DGKA: variants seen among roughly 807,000 people sequenced by gnomAD.
DGKA encodes 80 kDa diacylglycerol kinase.
DGKA carries 35 observed loss-of-function variants against 105.0 expected under a neutral mutation model. The observed-to-expected ratio is 0.33, with a 90% CI of 0.25 to 0.44. DGKA has a LOEUF of 0.44. DGKA is among the 20% of genes least tolerant of loss of function. The pLI, the probability that DGKA is intolerant of heterozygous loss-of-function variation, is 1.00. For missense variants in DGKA, 665 were observed against 915.0 expected (o/e 0.73, Z 3.53); for synonymous variants, 296 against 332.0 (o/e 0.89, Z 1.18).
chr12:55,940,913 G>A lies in DGKA; in HGVS notation c.1034G>A (p.Arg345His). The change falls in exon 13 of 24, where the codon CGT becomes CAT. Residue 345 changes from arginine (R) to histidine (H), a missense_variant. Coordinates refer to ENST00000331886, the MANE Select transcript of DGKA (RefSeq NM_001345.5). This position sits in a 1 kb window ranked among gnomAD's most constrained non-coding sequence, Gnocchi z 4.3. ...YPSVLASGPD[R>H]KNSKTSQKTM... Reference sequence around the variant, plus strand: ...CCCTCCCAGGCCTCTGGACCGGATCGTAAAAATAGCAAAACAAGCCAGAAG... The same window carrying A: ...CCCTCCCAGGCCTCTGGACCGGATCATAAAAATAGCAAAACAAGCCAGAAG... 1.9e-6 allele frequency: 3 copies of A among 1,614,098 alleles called. No individual in the cohort carries two copies. The highest frequency in any genetic ancestry group is 1.3e-5 in the African/African-American group (1 of 75,044).
chr12:55,938,545 G>A lies in DGKA; in HGVS notation c.384G>A (p.Gly128=), dbSNP rs1332484105. ...AGCTGTACGACACGGACAGAAATGGGATCCTGGACAGCTCAGTGAGTTGGG... is the reference window on the plus strand; with the variant it reads ...AGCTGTACGACACGGACAGAAATGGAATCCTGGACAGCTCAGTGAGTTGGG... ...TFKLYDTDRN[G]ILDSSEVDKI... is the part of the protein sequence containing the mutation. Residue 128 remains glycine, a synonymous_variant, in exon 6 of 24, where the codon GGG becomes GGA. Coordinates refer to ENST00000331886, the MANE Select transcript of DGKA (RefSeq NM_001345.5). The A allele has an allele frequency of 6.2e-7, 1 of 1,614,130 alleles. No homozygotes were observed. The highest frequency in any genetic ancestry group is 1.3e-5 in the African/African-American group (1 of 75,022).
chr12:55,934,532 G>A (rs1166621815), intron 1 of DGKA, among the ~76,000 whole-genome samples: 1 of 152,174 alleles, frequency 6.6e-6, no homozygotes, highest in African/African-American at 2.4e-5. Context: ...GGAAGAGGCT[G>A]CAGAGAAAGT....
At chr12:55,946,746 A>G (rs1887090797) in intron 17 of DGKA, among the ~76,000 whole-genome samples, 1 of 152,234 alleles carries the variant, frequency 6.6e-6, no homozygotes, top group Admixed American at 6.5e-5. Flanking sequence ...ATAGTCAAAG[A>G]GAAAGGAAAG....
Position 55,953,845 on chromosome 12 carries a change from A to C in DGKA, c.*77A>C. On this transcript the variant is annotated 3_prime_UTR_variant, in exon 24 of 24. Coordinates refer to ENST00000331886, the MANE Select transcript of DGKA (RefSeq NM_001345.5). The stretch of plus-strand genomic sequence containing the variant: ...GGACTCTACTCCCGAGGCTCTGTAC[A>C]TTGCTGCCACATACTCCTGCCAGCT... 2 of 1,315,764 alleles carry C rather than the reference A, an allele frequency of 1.5e-6. No individual in the cohort carries two copies. Among genetic ancestry groups the C allele is most frequent in the Non-Finnish European group, 2.2e-6 (2 of 919,108 alleles). The allele number at this position is 1,315,764 out of a possible 1,614,324, so 81.5% of individuals were successfully genotyped here. A position where few individuals can be genotyped will look rare whatever the true frequency, so the allele number is the denominator to read the frequency against.
At chr12:55,945,613 A>G (rs902241656) in intron 17 of DGKA, among the ~76,000 whole-genome samples, 7 of 152,090 alleles carry the variant, frequency 4.6e-5, no homozygotes, top group African/African-American at 1.4e-4. Flanking sequence ...GGCTGTCTGC[A>G]TTCTTTGGCT....
At chr12:55,937,711 A>G (rs575578718) in intron 4 of DGKA, among the ~76,000 whole-genome samples, 168 bp downstream of exon 4, 1 of 152,108 alleles carries the variant, frequency 6.6e-6, no homozygotes, top group Non-Finnish European at 1.5e-5. Flanking sequence ...TAAAGGGGAA[A>G]GGTAAGTCGA....
At chr12:55,938,386 AT>A (rs1474693787) in intron 5 of DGKA, 124 bp from the exon 6 acceptor site, 2 of 1,237,292 alleles carry the variant, frequency 1.6e-6, no homozygotes, top group African/African-American at 3.0e-5. Flanking sequence ...TCTCAGTCCC[AT>A]CCCAGGCTCT....
Position 55,952,852 on chromosome 12 carries a change from A to G in DGKA, c.1862A>G (p.Asp621Gly), listed in dbSNP as rs368951126. 1.3e-4 allele frequency: 208 copies of G among 1,613,974 alleles called. No homozygotes were observed. The highest frequency in any genetic ancestry group is 1.7e-4 in the Non-Finnish European group (201 of 1,180,002). Residue 621 changes from aspartate (D) to glycine (G), a missense_variant, in exon 21 of 24, where the codon GAT (aspartate) becomes GGT (glycine). This residue lies in a region of DGKA where 158 missense variants were observed against 213.4 expected (regional missense o/e 0.74). Coordinates refer to ENST00000331886, the MANE Select transcript of DGKA (RefSeq NM_001345.5). This position sits in a 1 kb window ranked among gnomAD's most constrained non-coding sequence, Gnocchi z 5.1. ...GGTGATACCAGGAGACCCCATGGGG[A>G]TATCTATGGGATCAACCAGGCCTTA... Reference protein sequence around the residue: ...LWGDTRRPHGDIYGINQALGA... With the variant: ...LWGDTRRPHGGIYGINQALGA...
At chr12:55,944,834 C>G (rs534352311) in intron 17 of DGKA, among the ~76,000 whole-genome samples, 1 of 152,234 alleles carries the variant, frequency 6.6e-6, no homozygotes, top group South Asian at 2.1e-4. Flanking sequence ...GAGTCTCATT[C>G]TGTTGCCTAG....
chr12:55,952,534 G>A lies in DGKA; in HGVS notation c.1743+103G>A, dbSNP rs1247235628. Reference sequence around the variant, plus strand: ...GAACTTCCCATATTCTTGAACCTATGCTTCTTTAACCTCCCAGCTCTCCTA... The same window carrying A: ...GAACTTCCCATATTCTTGAACCTATACTTCTTTAACCTCCCAGCTCTCCTA... On this transcript the variant is annotated intron_variant, in intron 20 of 23. Coordinates refer to ENST00000331886, the MANE Select transcript of DGKA (RefSeq NM_001345.5). The surrounding 1 kb of genome is among the most constrained non-coding windows in gnomAD (Gnocchi z 5.1). 2 of 1,320,148 alleles carry A rather than the reference G, an allele frequency of 1.5e-6. No homozygotes were observed. Among genetic ancestry groups the A allele is most frequent in the South Asian group, 1.2e-5 (1 of 82,138 alleles). The allele number at this position is 1,320,148 out of a possible 1,614,324, so 81.8% of individuals were successfully genotyped here.
intron 17 of DGKA, among the ~76,000 whole-genome samples, chr12:55,946,201 G>C (rs1248568701): frequency 1.5e-5 from 2 of 135,096 alleles, no homozygotes; most frequent in African/African-American, 5.6e-5. Flanking sequence ...AGGGAGTTTT[G>C]CTCTTGTTGC....
chr12:55,951,728 A>C lies in DGKA; in HGVS notation c.1532A>C (p.Glu511Ala). ...GAGGTGATACCTCAACAAACTGAAGAAAAAAGTGACCCAGTCCCCTTTCAA... is the reference window on the plus strand; with the variant it reads ...GAGGTGATACCTCAACAAACTGAAGCAAAAAGTGACCCAGTCCCCTTTCAA... ...SVEVIPQQTE[E>A]KSDPVPFQII... is the part of the protein sequence containing the mutation. The change falls in exon 18 of 24, where the codon GAA becomes GCA. Residue 511 changes from glutamate to alanine, a missense_variant. Glu to Ala is a moderately radical substitution (Grantham distance 107, BLOSUM62 -1). Around this residue, in one of 3 missense-constraint regions of DGKA, gnomAD observed 504 missense variants for 681.2 expected, o/e 0.74. Coordinates refer to ENST00000331886, the MANE Select transcript of DGKA (RefSeq NM_001345.5). 6.2e-7 allele frequency: 1 copy of C among 1,614,008 alleles called. No individual in the cohort carries two copies. Among genetic ancestry groups the C allele is most frequent in the African/African-American group, 1.3e-5 (1 of 74,980 alleles).
intron 17 of DGKA, among the ~76,000 whole-genome samples, chr12:55,944,516 G>A (rs752539852): frequency 7.2e-5 from 11 of 152,190 alleles, no homozygotes; most frequent in Non-Finnish European, 1.3e-4. Flanking sequence ...CATAAGGTTC[G>A]AAGAGGGGGG....
In DGKA at chr12:55,941,604, T is replaced by G. The variant is rs779955755; in HGVS notation, c.1250+20T>G. 6.2e-7 allele frequency: 1 copy of G among 1,612,468 alleles called. No homozygotes were observed. The highest frequency in any genetic ancestry group is 8.5e-7 in the Non-Finnish European group (1 of 1,178,482). On this transcript the variant is annotated intron_variant, in intron 15 of 23. Transcript: ENST00000331886. ...GATAGGGTGAGCACAGGTTAGGGACTGTATCACAGTGTTTTCGTGGGTCTG... is the reference window on the plus strand; with the variant it reads ...GATAGGGTGAGCACAGGTTAGGGACGGTATCACAGTGTTTTCGTGGGTCTG...
chr12:55,942,529 G>A (rs1886231202), intron 17 of DGKA: 3 of 427,296 alleles, frequency 7.0e-6, no homozygotes. Context: ...TTATGGCTCA[G>A]AGAATCAAGG....
At chr12:55,938,252 A>G (rs930140701) in intron 5 of DGKA, 200 bp downstream of exon 5, 3 of 664,930 alleles carry the variant, frequency 4.5e-6, no homozygotes, top group Non-Finnish European at 7.8e-6. Context: ...CCCAGTACCC[A>G]TGTCTTGTGC....
chr12:55,946,769 CGAGA>C (rs1372321753), intron 17 of DGKA, among the ~76,000 whole-genome samples: 1 of 152,044 alleles, frequency 6.6e-6, no homozygotes, highest in Non-Finnish European at 1.5e-5. Flanking sequence ...CCTCTGTAAC[CGAGA>C]GAGTGATATT....
intron 17 of DGKA, among the ~76,000 whole-genome samples, chr12:55,950,241 G>T (rs544035799): frequency 5.9e-5 from 9 of 151,642 alleles, no homozygotes; most frequent in African/African-American, 2.2e-4. Context: ...CCAAAATGCT[G>T]GGATTACAGG....
In DGKA at chr12:55,940,021, G is replaced by GT; in HGVS notation, c.710-60dup. ...ATATCTGATCCTGCCTCACCCTCAG[G>GT]TAAGAAGGAAATAGGGGGAGAGGCT... On this transcript the variant is annotated intron_variant, in intron 9 of 23. Transcript: ENST00000331886. This position sits in a 1 kb window ranked among gnomAD's most constrained non-coding sequence, Gnocchi z 4.3. 2.7e-6 allele frequency: 4 copies of GT among 1,455,368 alleles called. No homozygotes were observed. The Admixed American group carries it at 6.7e-5, about 24-fold the overall frequency. The allele number at this position is 1,455,368 out of a possible 1,614,324, so 90.2% of individuals were successfully genotyped here.
Sources: gnomAD v4.1 joint callset for allele counts (sites outside exome capture counted in the v4.1 genomes callset) on GRCh38, gnomAD v4.1.1 for gene constraint, gnomAD v4.1.1 regional missense constraint, Gnocchi (gnomAD v3.1) non-coding constraint, MANE v1.5 for transcripts, NCBI Gene and HGNC (gene_info 2026-07-23, HGNC 2026-07-21) for gene names.